The following EPC2 variants were observed in gnomAD, a reference collection of about 807,000 sequenced individuals.
EPC2 encodes enhancer of polycomb 2, also known as enhancer of polycomb homolog 2.
In EPC2, 14 loss-of-function variants were observed where a neutral mutation model predicts 92.1. The observed-to-expected ratio is 0.15, with a 90% CI of 0.10 to 0.24. The LOEUF (loss-of-function observed/expected upper bound fraction) is 0.24. Ranked by LOEUF, EPC2 falls within the 10% of genes least tolerant of loss-of-function variation. EPC2 has a pLI of 1.00. For synonymous variants in EPC2, 340 were observed against 334.7 expected, an observed-to-expected ratio of 1.02 and a Z score of -0.17; for missense variants, 755 against 971.5, an observed-to-expected ratio of 0.78 and a Z score of 2.96.
intron 2 of EPC2, among the ~76,000 whole-genome samples, chr2:148,719,353 G>T (rs1682322730): frequency 6.6e-6 from 1 of 152,162 alleles, no homozygotes; most frequent in African/African-American, 2.4e-5. Context: ...TTTTTGCATT[G>T]ATTCTTTCTC....
In EPC2 at chr2:148,681,234, T is replaced by C. The variant is rs77714212; in HGVS notation, c.154-8980T>C. ...GAGAAGCCTATGCTGGAAAGGTGTG[T>C]GTTTCCGAGAACTGATAAAAGAGAT... is the stretch of plus-strand genomic sequence containing the variant. On this transcript the variant is annotated intron_variant, in intron 1 of 13. Coordinates refer to ENST00000258484, the MANE Select transcript of EPC2 (RefSeq NM_015630.4). 1.4e-3 allele frequency among the ~76,000 whole-genome samples: 210 copies of C among 152,310 alleles called. 1 individual carries two copies. The highest frequency in any genetic ancestry group is 4.9e-3 in the African/African-American group (203 of 41,552).
At chr2:148,766,582 C>T (rs144100599) in intron 7 of EPC2, among the ~76,000 whole-genome samples, 6 of 152,036 alleles carry the variant, frequency 3.9e-5, no homozygotes, top group African/African-American at 7.2e-5. Flanking sequence ...TAGTGCCCTA[C>T]AAAAGAGTAA....
chr2:148,750,454 T>C (rs1384110926), intron 3 of EPC2, among the ~76,000 whole-genome samples: 2 of 152,124 alleles, frequency 1.3e-5, no homozygotes, highest in African/African-American at 4.8e-5. Context: ...TTTATAACTC[T>C]ACCAGTCTTT....
chr2:148,718,434 G>A (rs1353766177), intron 2 of EPC2, among the ~76,000 whole-genome samples: 1 of 152,160 alleles, frequency 6.6e-6, no homozygotes, highest in African/African-American at 2.4e-5. Context: ...CAGGCCTGAT[G>A]GTGATGAATT....
At chr2:148,662,560 C>T (rs1054240178) in intron 1 of EPC2, among the ~76,000 whole-genome samples, 7 of 152,070 alleles carry the variant, frequency 4.6e-5, no homozygotes, top group East Asian at 1.9e-4. Context: ...AGCAAACTAT[C>T]GCAAGGACAA....
chr2:148,668,894 T>G (rs2122117), intron 1 of EPC2, among the ~76,000 whole-genome samples: 21,204 of 152,160 alleles, frequency 0.14, 2,420 homozygotes, highest in East Asian at 0.46. Flanking sequence ...TATTGATTTC[T>G]ACTATGATCT....
intron 2 of EPC2, among the ~76,000 whole-genome samples, chr2:148,709,399 C>G (rs1280673155): frequency 6.6e-6 from 1 of 152,100 alleles, no homozygotes. Flanking sequence ...GAATCAATAT[C>G]GTAAAAATGG....
chr2:148,716,235 C>T (rs1185528701), intron 2 of EPC2, among the ~76,000 whole-genome samples: 1 of 152,082 alleles, frequency 6.6e-6, no homozygotes, highest in East Asian at 1.9e-4. Flanking sequence ...GCCTGATTGC[C>T]CTGGCCAGAA....
At chr2:148,679,950 G>A (rs1292674477) in intron 1 of EPC2, among the ~76,000 whole-genome samples, 1 of 152,154 alleles carries the variant, frequency 6.6e-6, no homozygotes, top group African/African-American at 2.4e-5. Flanking sequence ...CCTGGCAAAA[G>A]TTTTTACTAC....
At chr2:148,700,729 G>T in intron 2 of EPC2, among the ~76,000 whole-genome samples, 1 of 146,834 alleles carries the variant, frequency 6.8e-6, no homozygotes. Flanking sequence ...CTGAACCTAA[G>T]TCCTCTGCCT....
chr2:148,644,950 G>T lies in EPC2; in HGVS notation c.-68G>T. Reference sequence around the variant, plus strand: ...AGGAAGGAGGTGGAGGAGGCGGCGGGAGTCCTCCCCCCCTCCCCGCCCGCC... The same window carrying T: ...AGGAAGGAGGTGGAGGAGGCGGCGGTAGTCCTCCCCCCCTCCCCGCCCGCC... On this transcript the variant is annotated 5_prime_UTR_variant, in exon 1 of 14. Coordinates refer to ENST00000258484, the MANE Select transcript of EPC2 (RefSeq NM_015630.4). 1 of 1,355,588 alleles carries T rather than the reference G, an allele frequency of 7.4e-7. No homozygotes were observed. The highest frequency in any genetic ancestry group is 1.0e-6 in the Non-Finnish European group (1 of 977,010). 84.0% of individuals were successfully genotyped at this position (1,355,588 alleles called of 1,614,324 possible).
chr2:148,668,163 C>T (rs1681090213), intron 1 of EPC2, among the ~76,000 whole-genome samples: 1 of 152,128 alleles, frequency 6.6e-6, no homozygotes, highest in Non-Finnish European at 1.5e-5. Flanking sequence ...TCCCAAAGTG[C>T]TGGGATTAAA....
intron 2 of EPC2, among the ~76,000 whole-genome samples, chr2:148,738,616 T>G (rs1346026243): frequency 6.6e-6 from 1 of 152,174 alleles, no homozygotes; most frequent in East Asian, 1.9e-4. Flanking sequence ...GAATTCTGGG[T>G]GTTGAGTGTG....
intron 13 of EPC2, among the ~76,000 whole-genome samples, chr2:148,785,230 AGTAGAG>A (rs975498067): frequency 1.8e-4 from 27 of 152,202 alleles, no homozygotes; most frequent in Admixed American, 9.2e-4. Context: ...ACAGAGTAGT[AGTAGAG>A]AGAGAGAGAG....
intron 2 of EPC2, among the ~76,000 whole-genome samples, chr2:148,738,626 G>C (rs1207300674): frequency 6.6e-6 from 1 of 152,182 alleles, no homozygotes; most frequent in African/African-American, 2.4e-5. Flanking sequence ...TGTTGAGTGT[G>C]TATTGTCAAA....
chr2:148,713,297 C>T (rs182400254), intron 2 of EPC2, among the ~76,000 whole-genome samples: 1 of 152,170 alleles, frequency 6.6e-6, no homozygotes, highest in East Asian at 1.9e-4. Flanking sequence ...ATGATCATGA[C>T]CCAGTGTAGG....
chr2:148,730,888 C>T (rs1267698795), intron 2 of EPC2, among the ~76,000 whole-genome samples: 7 of 152,136 alleles, frequency 4.6e-5, no homozygotes, highest in African/African-American at 9.7e-5. Flanking sequence ...TTTAAATCTA[C>T]GTTTTATATT....
chr2:148,714,924 T>C (rs1490383457), intron 2 of EPC2, among the ~76,000 whole-genome samples: 1 of 152,178 alleles, frequency 6.6e-6, no homozygotes, highest in African/African-American at 2.4e-5. Flanking sequence ...AGATTCCATT[T>C]GTCAAGTTTT....
In EPC2 at chr2:148,769,154, T is replaced by A. The variant is rs1428362176; in HGVS notation, c.1144T>A (p.Leu382Met). 3 of 1,610,756 alleles carry A rather than the reference T, an allele frequency of 1.9e-6. No homozygotes were observed. The African/African-American group carries it at 4.0e-5, about 22-fold the overall frequency. The change falls in exon 8 of 14, where the codon TTG becomes ATG. Residue 382 changes from leucine (L) to methionine (M), a missense_variant. Leu to Met is a conservative substitution (Grantham distance 15). This residue lies in a region of EPC2 where 509 missense variants were observed against 607.7 expected (regional missense o/e 0.84). Coordinates refer to ENST00000258484, the MANE Select transcript of EPC2 (RefSeq NM_015630.4). ...SSDEDEFPQVLSPVSEPEEEN... is the reference protein window; with the variant it reads ...SSDEDEFPQVMSPVSEPEEEN... ...ATGGAATGCCTCTTTTGTCTAGGTA[T>A]TGTCCCCAGTATCAGAACCGGAAGA...
Sources: allele counts gnomAD v4.1 joint callset (sites outside exome capture counted in the v4.1 genomes callset), GRCh38; gene constraint gnomAD v4.1.1; regional missense constraint gnomAD v4.1.1; transcripts MANE v1.5; gene names NCBI Gene and HGNC (gene_info 2026-07-23, HGNC 2026-07-21).